DLGAP4: variants seen among roughly 807,000 people sequenced by gnomAD.
DLGAP4 encodes DLG associated protein 4.
Under a neutral mutation model 86.9 loss-of-function variants are expected in DLGAP4, and 18 were observed. The observed-to-expected ratio is 0.21, with a 90% confidence interval of 0.14 to 0.31. The LOEUF is 0.31. Among genes scored for constraint, DLGAP4 ranks in the 10% least tolerant of loss-of-function variants. The pLI is 1.00. For missense variants in DLGAP4, 1,085 were observed against 1,362.6 expected (o/e 0.80, Z 3.21); for synonymous variants, 548 against 574.3 (o/e 0.95, Z 0.65).
chr20:36,409,861 G>C (rs899056122), intron 2 of DLGAP4, among the ~76,000 whole-genome samples: 1 of 150,936 alleles, frequency 6.6e-6, no homozygotes, highest in Non-Finnish European at 1.5e-5. Context: ...GTGAAACCCC[G>C]TCTCTACTAA....
intron 7 of DLGAP4, among the ~76,000 whole-genome samples, chr20:36,452,701 G>A (rs568226131): frequency 7.2e-5 from 11 of 151,750 alleles, no homozygotes; most frequent in Middle Eastern, 3.4e-3. Context: ...GTAAAGGTGG[G>A]GTTTCATCAT....
At chr20:36,317,180 TCTTTTCCTTCCTTC>T (rs1288573204) in intron 1 of DLGAP4, among the ~76,000 whole-genome samples, 3 of 151,830 alleles carry the variant, frequency 2.0e-5, no homozygotes, top group Non-Finnish European at 4.4e-5. Flanking sequence ...TTCCTTCCTT[TCTTTTCCTTCCTTC>T]CTTCCCTCCT....
chr20:36,407,365 A>T (rs976370646), intron 2 of DLGAP4, among the ~76,000 whole-genome samples: 1 of 152,056 alleles, frequency 6.6e-6, no homozygotes, highest in African/African-American at 2.4e-5. Context: ...CTAAATGGCC[A>T]TTCACTTCTT....
intron 2 of DLGAP4, among the ~76,000 whole-genome samples, chr20:36,410,003 C>T (rs1471466121): frequency 1.3e-5 from 2 of 149,790 alleles, no homozygotes; most frequent in Non-Finnish European, 3.0e-5. Flanking sequence ...CACTGCACTC[C>T]AGCCTGGGCG....
chr20:36,502,689 TA>T (rs2036196309), intron 10 of DLGAP4, among the ~76,000 whole-genome samples: 1 of 152,132 alleles, frequency 6.6e-6, no homozygotes. Flanking sequence ...AAGTTAAAAA[TA>T]ATTTTCCCTC....
chr20:36,524,130 G>T (rs368486393), intron 10 of DLGAP4, 120 bp from the exon 11 acceptor site: 4 of 781,166 alleles, frequency 5.1e-6, no homozygotes, highest in African/African-American at 3.4e-5. Context: ...GAAGACCACC[G>T]CCATCATGAA....
At chr20:36,418,884 G>A (rs2032742572) in intron 2 of DLGAP4, among the ~76,000 whole-genome samples, 1 of 152,138 alleles carries the variant, frequency 6.6e-6, no homozygotes, top group Non-Finnish European at 1.5e-5. Flanking sequence ...GACTTAGGCT[G>A]GAAACAATTC....
intron 2 of DLGAP4, among the ~76,000 whole-genome samples, chr20:36,409,905 G>C (rs2032446764): frequency 6.6e-6 from 1 of 151,130 alleles, no homozygotes; most frequent in African/African-American, 2.4e-5. Context: ...ATGGTGGCGG[G>C]CGCCTATAGT....
intron 1 of DLGAP4, among the ~76,000 whole-genome samples, chr20:36,354,451 C>T (rs879959933): frequency 2.6e-5 from 4 of 152,304 alleles, no homozygotes; most frequent in Admixed American, 6.5e-5. Context: ...CAACAAACAC[C>T]GCAATTCAAA....
chr20:36,368,896 G>A (rs186519950), intron 2 of DLGAP4, among the ~76,000 whole-genome samples: 37 of 152,306 alleles, frequency 2.4e-4, no homozygotes, highest in African/African-American at 8.2e-4. Context: ...GGACTTAGGG[G>A]TGAGGGCTCA....
intron 1 of DLGAP4, among the ~76,000 whole-genome samples, chr20:36,317,929 G>T (rs1383441036): frequency 6.6e-6 from 1 of 152,028 alleles, no homozygotes; most frequent in Non-Finnish European, 1.5e-5. Context: ...AAAGAAAAGA[G>T]CCCTGGGTGT....
chr20:36,513,652 A>G (rs934350920), intron 10 of DLGAP4, among the ~76,000 whole-genome samples: 14 of 151,320 alleles, frequency 9.3e-5, no homozygotes, highest in African/African-American at 3.4e-4. Context: ...GGAAGCTGGG[A>G]GATGAGTTAG....
intron 10 of DLGAP4, among the ~76,000 whole-genome samples, chr20:36,503,355 C>T (rs1019979017): frequency 1.3e-5 from 2 of 152,074 alleles, no homozygotes; most frequent in Non-Finnish European, 2.9e-5. Context: ...TGTTCATTGC[C>T]CCAAAAAGAT....
At chr20:36,388,700 A>T (rs530964248) in intron 2 of DLGAP4, among the ~76,000 whole-genome samples, 43 of 152,138 alleles carry the variant, frequency 2.8e-4, no homozygotes, top group African/African-American at 7.7e-4. Flanking sequence ...GGGGTAATAG[A>T]CCCTCTACCT....
chr20:36,507,477 C>T (rs1441971900), intron 10 of DLGAP4, among the ~76,000 whole-genome samples: 1 of 152,156 alleles, frequency 6.6e-6, no homozygotes, highest in Non-Finnish European at 1.5e-5. Flanking sequence ...ATCTGCCCAC[C>T]TCGCCCTCCC....
At chr20:36,517,224 T>C (rs536892062) in intron 10 of DLGAP4, among the ~76,000 whole-genome samples, 1 of 151,824 alleles carries the variant, frequency 6.6e-6, no homozygotes, top group East Asian at 2.0e-4. Flanking sequence ...ACTTAAAATA[T>C]AAAAATCAGC....
intron 7 of DLGAP4, among the ~76,000 whole-genome samples, chr20:36,490,077 C>T (rs939682502): frequency 6.6e-6 from 1 of 151,820 alleles, no homozygotes; most frequent in Non-Finnish European, 1.5e-5. Flanking sequence ...AGGCTGGTCT[C>T]GAACTCCTGA....
At position 36,406,764 on chromosome 20, in the gene DLGAP4, C is replaced by T. The variant is rs147464999; in HGVS notation, c.-72-24882C>T. On this transcript the variant is annotated intron_variant, in intron 2 of 12. Coordinates refer to ENST00000339266, the MANE Select transcript of DLGAP4 (RefSeq NM_001365621.2). ...AAGGGACAGGGTGAGTCCCCTTCAC[C>T]CAGGGCAGTGGGCTGCAGACCCTGG... Among the ~76,000 whole-genome samples, 195 of 152,238 alleles carry T rather than the reference C, an allele frequency of 1.3e-3. 2 individuals carry two copies. The East Asian group carries it at 0.019, about 15-fold the overall frequency.
At chr20:36,343,497 G>A (rs541647004) in intron 1 of DLGAP4, among the ~76,000 whole-genome samples, 65 of 152,278 alleles carry the variant, frequency 4.3e-4, no homozygotes, top group African/African-American at 1.4e-3. Flanking sequence ...GAGCAGAGCT[G>A]GGATGGGAAG....
Sources: gnomAD v4.1 joint callset for allele counts (sites outside exome capture counted in the v4.1 genomes callset) on GRCh38, gnomAD v4.1.1 for gene constraint, MANE v1.5 for transcripts, NCBI Gene and HGNC (gene_info 2026-07-23, HGNC 2026-07-21) for gene names.